Variants in KLF12 observed in about 807,000 individuals in gnomAD.
KLF12 encodes the protein KLF transcription factor 12, also known as Krueppel-like factor 12.
KLF12 carries 9 observed loss-of-function variants against 37.8 expected under a neutral mutation model. The observed-to-expected ratio is 0.24, with a 90% CI of 0.14 to 0.42. The LOEUF (loss-of-function observed/expected upper bound fraction) is 0.42. Ranked by LOEUF, KLF12 falls within the 10% of genes least tolerant of loss-of-function variation. The pLI, the probability that KLF12 is intolerant of heterozygous loss-of-function variation, is 1.00. For missense variants in KLF12, 411 were observed against 516.0 expected, an observed-to-expected ratio of 0.80 and a Z score of 1.97; for synonymous variants, 208 against 202.1, an observed-to-expected ratio of 1.03 and a Z score of -0.25.
At chr13:74,241,232 G>A in the KLF12 span, among the ~76,000 whole-genome samples, 3 of 148,252 alleles carry the variant, frequency 2.0e-5, no homozygotes, top group Admixed American at 2.0e-4. Flanking sequence ...CCCTGCTGGG[G>A]GGTGCCTCCC....
chr13:74,078,055 C>A (rs1402431857), intron 1 of KLF12, among the ~76,000 whole-genome samples: 1 of 152,096 alleles, frequency 6.6e-6, no homozygotes, highest in African/African-American at 2.4e-5. Context: ...TGCAGCGACT[C>A]CATGTGAAGT....
the KLF12 span, among the ~76,000 whole-genome samples, chr13:74,245,746 T>A: frequency 6.6e-6 from 1 of 152,222 alleles, no homozygotes; most frequent in East Asian, 1.9e-4. Flanking sequence ...TCACTAAGGA[T>A]AGTCACCTAA....
intron 2 of KLF12, among the ~76,000 whole-genome samples, chr13:73,987,902 G>A (rs1254491825): frequency 6.6e-6 from 1 of 151,832 alleles, no homozygotes; most frequent in Admixed American, 6.6e-5. Flanking sequence ...GAGTGAGAGT[G>A]AGACAAGGAA....
At chr13:74,260,628 T>TAAAATG in the KLF12 span, among the ~76,000 whole-genome samples, 3,298 of 140,026 alleles carry the variant, frequency 0.024, 188 homozygotes, top group South Asian at 0.04. Context: ...TAAAATAAAA[T>TAAAATG]AGTGAATTAA....
intron 6 of KLF12, among the ~76,000 whole-genome samples, chr13:73,750,395 C>A (rs756121554): frequency 6.6e-6 from 1 of 152,118 alleles, no homozygotes; most frequent in Non-Finnish European, 1.5e-5. Context: ...TTTCACTGAT[C>A]AATATGCCTT....
intron 2 of KLF12, among the ~76,000 whole-genome samples, chr13:73,958,059 T>A (rs374184530): frequency 6.6e-6 from 1 of 152,206 alleles, no homozygotes; most frequent in Non-Finnish European, 1.5e-5. Context: ...ATCTGTGCTG[T>A]CTGGGTAGCC....
At chr13:73,768,030 ATAACT>A (rs1880031642) in intron 5 of KLF12, among the ~76,000 whole-genome samples, 1 of 152,198 alleles carries the variant, frequency 6.6e-6, no homozygotes, top group Non-Finnish European at 1.5e-5. Context: ...AAAAGCTGTG[ATAACT>A]TAATGCAATC....
chr13:74,085,699 AACGGACAACTTGAT>A (rs1196250360), intron 1 of KLF12, among the ~76,000 whole-genome samples: 1 of 152,144 alleles, frequency 6.6e-6, no homozygotes, highest in Non-Finnish European at 1.5e-5. Flanking sequence ...CGCCACAATC[AACGGACAACTTGAT>A]TGTGCACCAA....
intron 2 of KLF12, among the ~76,000 whole-genome samples, chr13:73,972,146 C>T (rs987375603): frequency 1.3e-5 from 2 of 152,112 alleles, no homozygotes; most frequent in African/African-American, 4.8e-5. Context: ...ACATAATATA[C>T]ACGAGTATGT....
intron 4 of KLF12, among the ~76,000 whole-genome samples, chr13:73,844,170 C>T (rs74095855): frequency 0.21 from 31,349 of 152,004 alleles, 3,801 homozygotes; most frequent in East Asian, 0.51. Context: ...TACACATGTA[C>T]ACATATATAA....
chr13:73,922,640 G>A (rs1889170933), intron 3 of KLF12, among the ~76,000 whole-genome samples: 2 of 152,070 alleles, frequency 1.3e-5, no homozygotes, highest in African/African-American at 4.8e-5. Context: ...TCTGTACACT[G>A]TATCCCAGAA....
intron 2 of KLF12, among the ~76,000 whole-genome samples, chr13:73,962,755 G>A (rs1312117458): frequency 1.3e-5 from 2 of 152,236 alleles, no homozygotes; most frequent in East Asian, 3.9e-4. Context: ...AAAAAAAGCA[G>A]TTAAAAATAA....
At chr13:74,014,648 T>TA (rs1465247273) in intron 1 of KLF12, among the ~76,000 whole-genome samples, 4 of 152,236 alleles carry the variant, frequency 2.6e-5, no homozygotes, top group Non-Finnish European at 4.4e-5. Flanking sequence ...CCGCAATTGT[T>TA]AAAGTTATAT....
intron 5 of KLF12, among the ~76,000 whole-genome samples, chr13:73,796,996 GCTGT>G (rs1298226309): frequency 6.6e-6 from 1 of 152,164 alleles, no homozygotes; most frequent in Non-Finnish European, 1.5e-5. Context: ...TCAGAAAGTG[GCTGT>G]CTAGGGGTTT....
At chr13:74,097,646 T>A (rs1256656774) in intron 1 of KLF12, among the ~76,000 whole-genome samples, 1 of 152,006 alleles carries the variant, frequency 6.6e-6, no homozygotes, top group Non-Finnish European at 1.5e-5. Context: ...CGTTTAGGTA[T>A]CCTCCCAAAC....
chr13:73,875,560 G>A (rs965650357), intron 3 of KLF12, among the ~76,000 whole-genome samples: 25 of 152,052 alleles, frequency 1.6e-4, no homozygotes, highest in African/African-American at 5.8e-4. Flanking sequence ...TTGAAAGAAT[G>A]CCTATTTTCT....
intron 4 of KLF12, among the ~76,000 whole-genome samples, chr13:73,823,109 C>T (rs1883623877): frequency 6.6e-6 from 1 of 152,192 alleles, no homozygotes; most frequent in Non-Finnish European, 1.5e-5. Flanking sequence ...ATTTTATTCA[C>T]TTTTCTTATT....
intron 3 of KLF12, among the ~76,000 whole-genome samples, chr13:73,860,596 A>G (rs1885873355): frequency 6.6e-6 from 1 of 152,090 alleles, no homozygotes; most frequent in African/African-American, 2.4e-5. Flanking sequence ...AAAAATAAAT[A>G]AGCTGGGTGT....
At chr13:74,047,111 T>A (rs1893567299) in intron 1 of KLF12, among the ~76,000 whole-genome samples, 1 of 152,080 alleles carries the variant, frequency 6.6e-6, no homozygotes, top group African/African-American at 2.4e-5. Flanking sequence ...CTCCAACCAG[T>A]CCTCCTCTAT....
Sources: gnomAD v4.1 joint callset for allele counts (sites outside exome capture counted in the v4.1 genomes callset) on GRCh38, gnomAD v4.1.1 for gene constraint, MANE v1.5 for transcripts, NCBI Gene and HGNC (gene_info 2026-07-23, HGNC 2026-07-21) for gene names.